RTTN: variants seen among roughly 807,000 people sequenced by gnomAD.
RTTN encodes rotatin.
A neutral mutation model predicts 269.2 loss-of-function variants in RTTN; 182 were observed. That is an observed-to-expected ratio of 0.68 (90% CI 0.60 to 0.76). RTTN has a LOEUF of 0.76. Ranked by LOEUF, RTTN falls within the 30% of genes least tolerant of loss-of-function variation. The probability of loss-of-function intolerance (pLI) is 0.00; values close to 1 mark genes in which losing one functional copy is unlikely to be tolerated. For missense variants in RTTN, 2,545 were observed against 2,608.6 expected (o/e 0.98, Z 0.53); for synonymous variants, 1,006 against 963.5 (o/e 1.04, Z -0.82).
intron 12 of RTTN, 79 bp from the exon 13 acceptor site, chr18:70,167,110 A>G (rs937447597): frequency 9.2e-6 from 8 of 870,886 alleles, no homozygotes; most frequent in Non-Finnish European, 1.5e-5. Flanking sequence ...AAGCAGCTTC[A>G]AGAAATTAGA....
At chr18:70,050,603 A>G (rs1268710209) in intron 39 of RTTN, among the ~76,000 whole-genome samples, 5 of 152,208 alleles carry the variant, frequency 3.3e-5, no homozygotes, top group Non-Finnish European at 7.3e-5. Context: ...AAATCATCCT[A>G]CTGTAAAGAC....
At chr18:70,086,723 AAAAAAAAAAAG>A (rs2058710916) in intron 31 of RTTN, 39 bp from the exon 32 acceptor site, 2 of 1,064,862 alleles carry the variant, frequency 1.9e-6, no homozygotes, top group African/African-American at 3.8e-5. Context: ...AAAAAAAAAA[AAAAAAAAAAAG>A]GTCAATACTG....
At chr18:70,005,418 C>T (rs1267188061) in intron 47 of RTTN, 151 bp from the exon 48 acceptor site, 4 of 496,652 alleles carry the variant, frequency 8.1e-6, no homozygotes, top group Non-Finnish European at 1.4e-5. Context: ...ATAATACATC[C>T]TATTGAGCCA....
At chr18:70,087,370 T>C (rs2058728558) in intron 31 of RTTN, among the ~76,000 whole-genome samples, 1 of 152,174 alleles carries the variant, frequency 6.6e-6, no homozygotes, top group African/African-American at 2.4e-5. Context: ...CAGCCATAAA[T>C]ATAAACATCA....
chr18:70,005,394 A>T (rs2056153255), intron 47 of RTTN, 127 bp from the exon 48 acceptor site: 1 of 577,920 alleles, frequency 1.7e-6, no homozygotes, highest in African/African-American at 1.9e-5. Context: ...ATAACTAGAG[A>T]GTTCCATCTT....
intron 41 of RTTN, 140 bp downstream of exon 41, chr18:70,030,736 A>G (rs1429301225): frequency 1.5e-5 from 8 of 532,798 alleles, no homozygotes; most frequent in Admixed American, 3.8e-5. Flanking sequence ...TCTGTATGGG[A>G]AAAAAAATTA....
intron 11 of RTTN, among the ~76,000 whole-genome samples, chr18:70,172,340 G>A (rs936865263): frequency 3.3e-5 from 5 of 152,100 alleles, no homozygotes; most frequent in Admixed American, 2.6e-4. Context: ...TACTTGGTCA[G>A]TGGCAACTCA....
At chr18:70,197,956 T>C (rs1245822513) in intron 5 of RTTN, among the ~76,000 whole-genome samples, 1 of 152,206 alleles carries the variant, frequency 6.6e-6, no homozygotes, top group Admixed American at 6.5e-5. Flanking sequence ...TAACTGCCTG[T>C]TGATTTTGCA....
intron 10 of RTTN, among the ~76,000 whole-genome samples, chr18:70,186,406 T>C (rs148292190): frequency 6.6e-6 from 1 of 152,324 alleles, no homozygotes; most frequent in East Asian, 1.9e-4. Context: ...AAAGTCACAG[T>C]TTCCGAAAAC....
Position 70,004,009 on chromosome 18 carries a change from C to T in RTTN, c.*142G>A, listed in dbSNP as rs897920226. The T allele has an allele frequency of 1.7e-6, 1 of 592,462 alleles. No individual in the cohort carries two copies. The highest frequency in any genetic ancestry group is 1.9e-5 in the African/African-American group (1 of 53,898). 36.7% of individuals were successfully genotyped at this position (592,462 alleles called of 1,614,324 possible). A position where few individuals can be genotyped will look rare whatever the true frequency, so the allele number is the denominator to read the frequency against. ...GGACGGTGTTGGAGTATCACCAGTTCTCTCTCTCATGGGAAAGAAGGGGAT... is the reference window on the plus strand; with the variant it reads ...GGACGGTGTTGGAGTATCACCAGTTTTCTCTCTCATGGGAAAGAAGGGGAT... On this transcript the variant is annotated 3_prime_UTR_variant, in exon 49 of 49. Transcript: ENST00000640769.
intron 46 of RTTN, among the ~76,000 whole-genome samples, chr18:70,012,260 C>T (rs1284473288): frequency 4.2e-5 from 5 of 119,574 alleles, no homozygotes; most frequent in Admixed American, 1.8e-4. Flanking sequence ...TTCACTGGTA[C>T]TGGTTAGAGG....
chr18:70,195,446 G>C (rs1415407811), intron 7 of RTTN, among the ~76,000 whole-genome samples: 3 of 151,542 alleles, frequency 2.0e-5, no homozygotes, highest in Non-Finnish European at 4.4e-5. Flanking sequence ...TTTTAAAATA[G>C]AAGCTTTCTG....
At chr18:70,061,494 G>A in intron 35 of RTTN, 1 of 452,888 alleles carries the variant, frequency 2.2e-6, no homozygotes, top group East Asian at 7.0e-5. Flanking sequence ...TAGAAAACGT[G>A]TGTGTATATA....
chr18:70,106,110 G>A (rs974546946), intron 28 of RTTN, among the ~76,000 whole-genome samples: 2 of 152,176 alleles, frequency 1.3e-5, no homozygotes, highest in Non-Finnish European at 2.9e-5. Context: ...CACTTTGGTA[G>A]GCCAAAGTGG....
chr18:70,111,109 G>A (rs2059453396), intron 27 of RTTN, among the ~76,000 whole-genome samples: 2 of 152,228 alleles, frequency 1.3e-5, no homozygotes, highest in South Asian at 4.1e-4. Flanking sequence ...AGCACCTGGA[G>A]AAAGGGGAGG....
At chr18:70,079,464 T>C (rs1259873825) in intron 32 of RTTN, among the ~76,000 whole-genome samples, 1 of 152,258 alleles carries the variant, frequency 6.6e-6, no homozygotes, top group East Asian at 1.9e-4. Context: ...AGATAACTAA[T>C]GGTTCAAGGG....
intron 43 of RTTN, among the ~76,000 whole-genome samples, chr18:70,027,880 T>C (rs754250400): frequency 6.6e-6 from 1 of 152,194 alleles, no homozygotes; most frequent in Non-Finnish European, 1.5e-5. Flanking sequence ...GTGTTCAACA[T>C]GTCCATTTTC....
In RTTN at chr18:70,030,101, T is replaced by C. The variant is rs1280022492; in HGVS notation, c.5656A>G (p.Ile1886Val). ...TTCATCTGCTCCATGCAATTGTCTA[T>C]AAGATTGGCTGAAAGACAAAATCTG... ...AQKHALKANL[I>V]DNCMEQMKHI... The change falls in exon 42 of 49, where the codon ATA becomes GTA. Residue 1886 changes from isoleucine to valine, a missense_variant. By Grantham distance (29) the Ile-to-Val change is conservative. Coordinates refer to ENST00000640769, the MANE Select transcript of RTTN (RefSeq NM_173630.4). The C allele has an allele frequency of 1.2e-6, 2 of 1,611,042 alleles. No individual in the cohort carries two copies. The highest frequency in any genetic ancestry group is 4.5e-5 in the East Asian group (2 of 44,794).
At position 70,073,912 on chromosome 18, in the gene RTTN, T is replaced by A. The variant is rs2058361487; in HGVS notation, c.4647A>T (p.Glu1549Asp). 2 of 1,609,856 alleles carry A rather than the reference T, an allele frequency of 1.2e-6. No homozygotes were observed. The highest frequency in any genetic ancestry group is 1.7e-6 in the Non-Finnish European group (2 of 1,176,802). ...ATGCATTCTTTGCAAGTACCGTTGT[T>A]TCTGAGGTGGAGAGAGAACTTGGAT... ...DRDPSSLSTS[E>D]TTVAPSLGST... Residue 1549 changes from glutamate (E) to aspartate (D), a missense_variant, in exon 34 of 49, where the codon GAA (glutamate) becomes GAT (aspartate). Glu to Asp is a conservative substitution (Grantham distance 45). Transcript: ENST00000640769.
Sources: gnomAD v4.1 joint callset for allele counts (sites outside exome capture counted in the v4.1 genomes callset) on GRCh38, gnomAD v4.1.1 for gene constraint, MANE v1.5 for transcripts, NCBI Gene and HGNC (gene_info 2026-07-23, HGNC 2026-07-21) for gene names.